RABEP1: variants seen among roughly 807,000 people sequenced by gnomAD.
RABEP1 encodes the protein rabaptin, RAB GTPase binding effector protein 1.
RABEP1 carries 51 observed loss-of-function variants against 123.4 expected under a neutral mutation model. That is an observed-to-expected ratio of 0.41 (90% confidence interval 0.33 to 0.52). The LOEUF is 0.52. Among genes scored for constraint, RABEP1 ranks in the 20% least tolerant of loss-of-function variants. RABEP1 has a pLI of 0.16. For missense variants in RABEP1, 888 were observed against 996.3 expected, an observed-to-expected ratio of 0.89 and a Z score of 1.46; for synonymous variants, 347 against 355.2, an observed-to-expected ratio of 0.98 and a Z score of 0.26.
chr17:5,376,195 C>A lies in RABEP1; in HGVS notation c.2026-921C>A, dbSNP rs555850706. Among the ~76,000 whole-genome samples, 672 of 152,278 alleles carry A rather than the reference C, an allele frequency of 4.4e-3. 4 individuals carry two copies. The highest frequency in any genetic ancestry group is 7.5e-3 in the Non-Finnish European group (513 of 68,000). ...TCCAGGCCGGGCACAGTGGCACTTGCCTGTAATCCCAGCACATTGGGAGGT... is the reference window on the plus strand; with the variant it reads ...TCCAGGCCGGGCACAGTGGCACTTGACTGTAATCCCAGCACATTGGGAGGT... On this transcript the variant is annotated intron_variant, in intron 13 of 17. Transcript: ENST00000537505.
chr17:5,353,892 G>C (rs146085806), intron 7 of RABEP1, among the ~76,000 whole-genome samples: 1 of 152,308 alleles, frequency 6.6e-6, no homozygotes, highest in Non-Finnish European at 1.5e-5. Flanking sequence ...GGATGAGGTG[G>C]GAGAATTGCT....
rs367642666 is a variant in RABEP1, at chr17:5,308,840, G to T, written c.163+18G>T. 3 of 1,577,752 alleles carry T rather than the reference G, an allele frequency of 1.9e-6. No individual in the cohort carries two copies. Among genetic ancestry groups the T allele is most frequent in the Non-Finnish European group, 1.7e-6 (2 of 1,161,170 alleles). On this transcript the variant is annotated intron_variant, in intron 2 of 17. Transcript: ENST00000537505. ...TAAAGAGGGTAAGTTCATAAGTCTC[G>T]CACCAACTTCAATGCGAAAACTGCC...
intron 5 of RABEP1, among the ~76,000 whole-genome samples, chr17:5,339,982 G>A (rs916586699): frequency 5.3e-5 from 8 of 152,094 alleles, no homozygotes; most frequent in African/African-American, 1.9e-4. Context: ...AGATATAATA[G>A]TCATGAACTT....
intron 1 of RABEP1, among the ~76,000 whole-genome samples, chr17:5,298,367 G>T (rs937256328): frequency 1.3e-5 from 2 of 152,074 alleles, no homozygotes; most frequent in South Asian, 4.1e-4. Flanking sequence ...GTTCTAAGAG[G>T]TGTTTTTTGT....
At chr17:5,304,352 G>T (rs1010047960) in intron 1 of RABEP1, among the ~76,000 whole-genome samples, 3 of 152,128 alleles carry the variant, frequency 2.0e-5, no homozygotes, top group Admixed American at 2.0e-4. Context: ...GGCTGAGGCG[G>T]GTGAGTCATC....
intron 3 of RABEP1, among the ~76,000 whole-genome samples, chr17:5,333,916 C>G (rs1042647715): frequency 2.6e-5 from 4 of 152,178 alleles, no homozygotes; most frequent in Admixed American, 2.6e-4. Flanking sequence ...TGTGGTCACT[C>G]ATAACTACAA....
intron 7 of RABEP1, among the ~76,000 whole-genome samples, chr17:5,351,733 G>GGAGGCT (rs1325942644): frequency 4.6e-5 from 7 of 152,110 alleles, no homozygotes; most frequent in African/African-American, 1.4e-4. Flanking sequence ...TCCGGGAGGC[G>GGAGGCT]GAGGCTGCAG....
chr17:5,315,982 C>A (rs913796002), intron 2 of RABEP1, among the ~76,000 whole-genome samples: 2 of 152,132 alleles, frequency 1.3e-5, no homozygotes, highest in African/African-American at 2.4e-5. Context: ...ACAGGAGATA[C>A]TTCATAAACA....
At chr17:5,366,902 C>T (rs959530179) in intron 11 of RABEP1, among the ~76,000 whole-genome samples, 1 of 151,426 alleles carries the variant, frequency 6.6e-6, no homozygotes, top group African/African-American at 2.4e-5. Flanking sequence ...CCAGCCTGAC[C>T]AACATGGAGA....
intron 12 of RABEP1, chr17:5,371,365 C>G (rs1055270640): frequency 6.6e-6 from 1 of 152,182 alleles, no homozygotes; most frequent in African/African-American, 2.4e-5. Flanking sequence ...AAAATAAATA[C>G]TCAGCTCCAT....
chr17:5,364,240 A>T (rs892824276), intron 10 of RABEP1: 1 of 152,240 alleles, frequency 6.6e-6, no homozygotes, highest in African/African-American at 2.4e-5. Context: ...TCAGAAAAAG[A>T]AGTGGGAAAA....
intron 12 of RABEP1, 24 bp downstream of exon 12, chr17:5,368,492 G>A (rs1381204109): frequency 6.6e-7 from 1 of 1,506,456 alleles, no homozygotes; most frequent in Admixed American, 1.7e-5. Context: ...TTAAGTAAAT[G>A]ACAACTATGT....
intron 1 of RABEP1, among the ~76,000 whole-genome samples, chr17:5,295,544 T>A (rs554682204): frequency 2.7e-4 from 41 of 152,104 alleles, no homozygotes; most frequent in African/African-American, 9.4e-4. Context: ...CATGTGTCTC[T>A]AAATATTTAG....
chr17:5,319,098 G>A (rs1320303275), intron 2 of RABEP1, among the ~76,000 whole-genome samples: 1 of 151,972 alleles, frequency 6.6e-6, no homozygotes, highest in Non-Finnish European at 1.5e-5. Flanking sequence ...TTGGGAGGCC[G>A]AGGTGGGTGG....
intron 12 of RABEP1, 66 bp downstream of exon 12, chr17:5,368,534 C>A: frequency 8.6e-7 from 1 of 1,157,072 alleles, no homozygotes; most frequent in Non-Finnish European, 1.3e-6. Flanking sequence ...TCTATCTTGA[C>A]ATCATCTTTG....
At chr17:5,307,069 A>C (rs889296282) in intron 1 of RABEP1, among the ~76,000 whole-genome samples, 11 of 152,224 alleles carry the variant, frequency 7.2e-5, no homozygotes, top group African/African-American at 2.7e-4. Context: ...CTGTAATCCC[A>C]GCACTTTGGG....
chr17:5,334,511 C>T (rs777091060), intron 3 of RABEP1, among the ~76,000 whole-genome samples: 10 of 152,116 alleles, frequency 6.6e-5, no homozygotes, highest in Non-Finnish European at 1.3e-4. Flanking sequence ...GGATTACAGG[C>T]ATGAGCCACC....
Position 5,378,228 on chromosome 17 carries a change from G to A in RABEP1, c.2267G>A (p.Gly756Glu). ...TTAGAAAGAATAAAAGTGGAAAAAG[G>A]ACAGGTAAGTCGTGAGTTTCAAATT... is the stretch of plus-strand genomic sequence containing the variant. ...AELERIKVEK[G>E]QLESTLREKS... The change falls in exon 15 of 18, where the codon GGA becomes GAA. Residue 756 changes from glycine to glutamate, a missense_variant. Coordinates refer to ENST00000537505, the MANE Select transcript of RABEP1 (RefSeq NM_004703.6). The A allele has an allele frequency of 6.3e-7, 1 of 1,591,394 alleles. No individual in the cohort carries two copies. The highest frequency in any genetic ancestry group is 8.6e-7 in the Non-Finnish European group (1 of 1,159,364).
chr17:5,308,153 T>C (rs373125965), intron 1 of RABEP1, among the ~76,000 whole-genome samples: 26 of 152,162 alleles, frequency 1.7e-4, no homozygotes, highest in African/African-American at 6.0e-4. Context: ...GTTGGCCTTA[T>C]GTGATTCTCT....
Sources: allele counts gnomAD v4.1 joint callset (sites outside exome capture counted in the v4.1 genomes callset), GRCh38; gene constraint gnomAD v4.1.1; transcripts MANE v1.5; gene names NCBI Gene and HGNC (gene_info 2026-07-23, HGNC 2026-07-21).